DIAPH2: variants seen among roughly 807,000 people sequenced by gnomAD.
DIAPH2 encodes protein diaphanous homolog 2.
DIAPH2 carries 35 observed loss-of-function variants against 92.7 expected under a neutral mutation model. The observed-to-expected ratio is 0.38, with a 90% CI of 0.29 to 0.50. The LOEUF is 0.50. Among genes scored for constraint, DIAPH2 ranks in the 20% least tolerant of loss-of-function variants. The probability of loss-of-function intolerance (pLI) is 0.94; values close to 1 mark genes in which losing one functional copy is unlikely to be tolerated. For synonymous variants in DIAPH2, 301 were observed against 280.4 expected (o/e 1.07, Z -0.73); for missense variants, 701 against 819.5 (o/e 0.86, Z 1.77).
At chrX:97,298,308 A>T (rs1210667593) in intron 23 of DIAPH2, among the ~76,000 whole-genome samples, 1 of 103,506 alleles carries the variant, frequency 9.7e-6, no homozygotes, top group African/African-American at 3.5e-5. Context: ...TGTTGATAAT[A>T]TAATGAGTAA....
At chrX:96,726,195 A>G (rs919311234) in intron 1 of DIAPH2, among the ~76,000 whole-genome samples, 27 of 110,032 alleles carry the variant, frequency 2.5e-4, no homozygotes, top group African/African-American at 8.2e-4. Context: ...AGCTTTTATC[A>G]TCTTGCAACT....
chrX:97,437,868 T>A (rs1381798978), intron 26 of DIAPH2, among the ~76,000 whole-genome samples: 1 of 109,099 alleles, frequency 9.2e-6, no homozygotes, highest in East Asian at 2.8e-4. Context: ...AACCTTGGGA[T>A]CACCCAGAAA....
intron 23 of DIAPH2, among the ~76,000 whole-genome samples, chrX:97,257,444 G>A (rs1238116478): frequency 9.0e-6 from 1 of 111,566 alleles, no homozygotes; most frequent in Non-Finnish European, 1.9e-5. Flanking sequence ...GTTCTGAGAG[G>A]TAACGGTAAC....
chrX:97,331,675 T>G (rs1284316730), intron 23 of DIAPH2, among the ~76,000 whole-genome samples: 1 of 112,416 alleles, frequency 8.9e-6, no homozygotes, highest in Non-Finnish European at 1.9e-5. Context: ...TGAAGTATTA[T>G]ATTAAAGTAC....
chrX:97,114,683 G>A, intron 20 of DIAPH2, 43 bp from the exon 21 acceptor site: 1 of 1,101,780 alleles, frequency 9.1e-7, no homozygotes, highest in Non-Finnish European at 1.2e-6. Flanking sequence ...TAAAATAAGA[G>A]GCATTAAATG....
chrX:97,534,480 C>T (rs1184954850), intron 26 of DIAPH2, among the ~76,000 whole-genome samples: 1 of 110,415 alleles, frequency 9.1e-6, no homozygotes, highest in Non-Finnish European at 1.9e-5. Flanking sequence ...AAATATTATA[C>T]TATAAAAATC....
intron 3 of DIAPH2, among the ~76,000 whole-genome samples, chrX:96,739,510 T>TA (rs1422131605): frequency 9.0e-6 from 1 of 111,590 alleles, no homozygotes; most frequent in Non-Finnish European, 1.9e-5. Flanking sequence ...AAGGTCGCCT[T>TA]ACACCAAAAT....
Position 96,941,867 on chromosome X carries a change from A to G in DIAPH2, c.1326-151A>G. The G allele has an allele frequency of 7.0e-6, 3 of 428,489 alleles. No individual in the cohort carries two copies. In the South Asian group the frequency reaches 1.1e-4, roughly 16 times the overall value. 35.3% of individuals were successfully genotyped at this position (428,489 alleles called of 1,213,427 possible). Reference sequence around the variant, plus strand: ...ACCCAGACCATCCTTAAGCTTAGGCATGCTTGTCCTAAGAAAGTGTAGTGG... The same window carrying G: ...ACCCAGACCATCCTTAAGCTTAGGCGTGCTTGTCCTAAGAAAGTGTAGTGG... On this transcript the variant is annotated intron_variant, in intron 12 of 26. Coordinates refer to ENST00000324765, the MANE Select transcript of DIAPH2 (RefSeq NM_006729.5).
intron 22 of DIAPH2, among the ~76,000 whole-genome samples, chrX:97,222,042 T>C (rs1327429627): frequency 1.8e-5 from 2 of 111,743 alleles, no homozygotes; most frequent in Admixed American, 1.9e-4. Context: ...AAAGTGTTAA[T>C]TGTATTTCTA....
chrX:97,388,579 A>G (rs937778282), intron 25 of DIAPH2, among the ~76,000 whole-genome samples: 2 of 110,222 alleles, frequency 1.8e-5, no homozygotes, highest in Admixed American at 1.9e-4. Flanking sequence ...TCTTAATTAC[A>G]TAGTTCAACT....
chrX:97,597,671 T>C (rs2071562737), intron 26 of DIAPH2, among the ~76,000 whole-genome samples: 2 of 112,095 alleles, frequency 1.8e-5, no homozygotes, highest in African/African-American at 6.5e-5. Context: ...GTAATCTCAT[T>C]TTTAAATGTT....
At chrX:97,272,935 C>CGCTTGA (rs2068402211) in intron 23 of DIAPH2, among the ~76,000 whole-genome samples, 1 of 111,767 alleles carries the variant, frequency 8.9e-6, no homozygotes, top group Non-Finnish European at 1.9e-5. Flanking sequence ...GCAGGCAGAT[C>CGCTTGA]ACCTAAGGTT....
intron 9 of DIAPH2, among the ~76,000 whole-genome samples, chrX:96,927,031 C>G (rs1344044966): frequency 9.0e-6 from 1 of 111,007 alleles, no homozygotes; most frequent in Non-Finnish European, 1.9e-5. Context: ...TGTTTTCTTT[C>G]TAAGATCAGG....
chrX:97,093,512 G>C (rs2066843059), intron 19 of DIAPH2, among the ~76,000 whole-genome samples: 1 of 111,815 alleles, frequency 8.9e-6, no homozygotes, highest in Non-Finnish European at 1.9e-5. Flanking sequence ...ACATACTTTG[G>C]ATGCTGCTAT....
intron 17 of DIAPH2, among the ~76,000 whole-genome samples, chrX:96,983,775 A>G (rs983769339): frequency 1.8e-5 from 2 of 111,546 alleles, no homozygotes; most frequent in Non-Finnish European, 3.8e-5. Context: ...GATAGTCTCC[A>G]TTTCCTCCAA....
chrX:96,903,727 C>A (rs1036387912), intron 5 of DIAPH2, among the ~76,000 whole-genome samples: 19 of 111,473 alleles, frequency 1.7e-4, no homozygotes, highest in Non-Finnish European at 3.0e-4. Context: ...GGAACAAGAC[C>A]TTCTCTTATA....
chrX:96,742,996 G>A (rs1037030787), intron 3 of DIAPH2, among the ~76,000 whole-genome samples: 31 of 112,441 alleles, frequency 2.8e-4, no homozygotes, highest in African/African-American at 1.0e-3. Flanking sequence ...TTAAATTTAT[G>A]TACAACATTT....
At chrX:97,471,017 A>G (rs1259235173) in intron 26 of DIAPH2, among the ~76,000 whole-genome samples, 1 of 112,067 alleles carries the variant, frequency 8.9e-6, no homozygotes, top group African/African-American at 3.2e-5. Context: ...TTTCTTAACT[A>G]TTGTAGAAAA....
chrX:96,962,490 CACACACAT>C (rs774272698), intron 16 of DIAPH2, among the ~76,000 whole-genome samples: 18,980 of 48,707 alleles, frequency 0.39, 3,053 homozygotes, highest in South Asian at 0.49. Context: ...CACACACACA[CACACACAT>C]ATATATATAT....
Sources: allele counts gnomAD v4.1 joint callset (sites outside exome capture counted in the v4.1 genomes callset), GRCh38; gene constraint gnomAD v4.1.1; transcripts MANE v1.5; gene names NCBI Gene and HGNC (gene_info 2026-07-23, HGNC 2026-07-21).